SNX29: variants seen among roughly 807,000 people sequenced by gnomAD.
SNX29 encodes sorting nexin-29.
A neutral mutation model predicts 102.1 loss-of-function variants in SNX29; 78 were observed. The ratio of observed to expected loss-of-function variants is 0.76; its 90% CI spans 0.64 to 0.92. The LOEUF (loss-of-function observed/expected upper bound fraction) is 0.92, where lower values mean the gene tolerates loss of function less well. SNX29 is among the 40% of genes least tolerant of loss of function. SNX29 has a pLI of 0.00. For missense variants in SNX29, 1,280 were observed against 1,061.7 expected (o/e 1.21, Z -2.86); for synonymous variants, 580 against 414.5 (o/e 1.40, Z -4.85).
At chr16:12,004,533 C>T (rs1265183651) in intron 3 of SNX29, among the ~76,000 whole-genome samples, 1 of 151,996 alleles carries the variant, frequency 6.6e-6, no homozygotes, top group Non-Finnish European at 1.5e-5. Context: ...TGCTCTGTAG[C>T]CCCTGGGGTG....
intron 13 of SNX29, among the ~76,000 whole-genome samples, chr16:12,189,308 C>T (rs775840414): frequency 1.6e-4 from 25 of 152,140 alleles, no homozygotes; most frequent in Admixed American, 2.6e-4. Flanking sequence ...TGGTTGAGTC[C>T]GGAATGACAC....
chr16:12,129,306 G>A (rs2054352145), intron 12 of SNX29, among the ~76,000 whole-genome samples: 2 of 152,202 alleles, frequency 1.3e-5, no homozygotes, highest in Non-Finnish European at 2.9e-5. Flanking sequence ...ACACCTTTGA[G>A]TGGGGTATCT....
chr16:12,049,335 T>TAA (rs1567564383), intron 7 of SNX29, among the ~76,000 whole-genome samples: 6 of 146,822 alleles, frequency 4.1e-5, no homozygotes, highest in African/African-American at 1.5e-4. Flanking sequence ...TTTTTTAACT[T>TAA]TTTTTTTTTT....
intron 14 of SNX29, among the ~76,000 whole-genome samples, chr16:12,201,321 G>C (rs531858243): frequency 1.5e-4 from 23 of 152,186 alleles, no homozygotes; most frequent in African/African-American, 4.6e-4. Context: ...TCCAGCAACT[G>C]GCTTTTTAGT....
At chr16:12,363,169 C>T (rs566251294) in intron 16 of SNX29, among the ~76,000 whole-genome samples, 1 of 152,322 alleles carries the variant, frequency 6.6e-6, no homozygotes, top group South Asian at 2.1e-4. Flanking sequence ...GCCATTTGGA[C>T]CGGGTCCCCA....
At chr16:11,979,275 C>CAAAAAAAAAAAAAAAAA (rs71139569) in intron 1 of SNX29, among the ~76,000 whole-genome samples, 13 of 61,998 alleles carry the variant, frequency 2.1e-4, no homozygotes, top group African/African-American at 9.0e-4. Context: ...ACTCAGTCTC[C>CAAAAAAAAAAAAAAAAA]AAAAAAAAAA....
chr16:12,368,271 A>G (rs1279014531), intron 16 of SNX29, among the ~76,000 whole-genome samples: 1 of 152,212 alleles, frequency 6.6e-6, no homozygotes, highest in Non-Finnish European at 1.5e-5. Flanking sequence ...CTGAAGATCA[A>G]AGTTTCGTGT....
intron 11 of SNX29, among the ~76,000 whole-genome samples, chr16:12,125,204 T>C (rs1020970129): frequency 6.6e-6 from 1 of 152,160 alleles, no homozygotes; most frequent in African/African-American, 2.4e-5. Flanking sequence ...TGAATGTGTG[T>C]TCAGGTTCAA....
intron 15 of SNX29, among the ~76,000 whole-genome samples, chr16:12,327,829 T>A (rs909082732): frequency 6.6e-6 from 1 of 152,126 alleles, no homozygotes; most frequent in Non-Finnish European, 1.5e-5. Context: ...GTCACTCCCA[T>A]GAGGTGACCA....
chr16:12,040,184 C>T (rs928977230), intron 4 of SNX29, among the ~76,000 whole-genome samples: 7 of 152,052 alleles, frequency 4.6e-5, no homozygotes, highest in Non-Finnish European at 1.0e-4. Context: ...CCAGCCTGCA[C>T]AACATAGCAG....
At chr16:12,381,070 T>C (rs1436471215) in intron 16 of SNX29, among the ~76,000 whole-genome samples, 5 of 4,890 alleles carry the variant, frequency 1.0e-3, no homozygotes, top group African/African-American at 1.1e-3. Flanking sequence ...TCTACCCACC[T>C]ACCATCCATC....
At chr16:12,345,844 T>C (rs2081783578) in intron 15 of SNX29, among the ~76,000 whole-genome samples, 1 of 152,188 alleles carries the variant, frequency 6.6e-6, no homozygotes, top group Non-Finnish European at 1.5e-5. Flanking sequence ...TTTTATGCCA[T>C]GCCAAGAAAA....
intron 10 of SNX29, among the ~76,000 whole-genome samples, chr16:12,077,687 C>G (rs1364418494): frequency 6.6e-6 from 1 of 152,114 alleles, no homozygotes; most frequent in Non-Finnish European, 1.5e-5. Flanking sequence ...GTGGCGTGAT[C>G]TTGGCTCACT....
chr16:12,156,737 C>G (rs929933980), intron 13 of SNX29, among the ~76,000 whole-genome samples: 7 of 152,230 alleles, frequency 4.6e-5, no homozygotes, highest in African/African-American at 1.4e-4. Context: ...GCCGACTTGG[C>G]CAAATGAATG....
intron 19 of SNX29, among the ~76,000 whole-genome samples, chr16:12,512,367 AAAATATAT>A (rs1329674543): frequency 0.013 from 514 of 39,464 alleles, 31 homozygotes; most frequent in African/African-American, 0.026. Context: ...AGGCCCAGGG[AAAATATAT>A]ATATATATAT....
rs774853190 is a variant in SNX29 at position 12,126,662 on chromosome 16, A to C, written c.1432A>C (p.Met478Leu). 1.9e-6 allele frequency: 3 copies of C among 1,614,014 alleles called. No individual in the cohort carries two copies. The South Asian group carries it at 3.3e-5, about 18-fold the overall frequency. ...ACTGCGCCAGGCCACTGTGGCCATG[A>C]TGAACAGGAAGGATGAGCTGGAGGA... The part of the protein sequence containing the change: ...SELRQATVAM[M>L]NRKDELEEEN... Residue 478 changes from methionine to leucine, a missense_variant, in exon 12 of 21, where the codon ATG becomes CTG. Met to Leu is a conservative substitution (Grantham distance 15). Coordinates refer to ENST00000566228, the MANE Select transcript of SNX29 (RefSeq NM_032167.5).
At chr16:12,481,471 T>C (rs566936004) in intron 19 of SNX29, among the ~76,000 whole-genome samples, 12 of 121,584 alleles carry the variant, frequency 9.9e-5, no homozygotes, top group African/African-American at 2.8e-4. Flanking sequence ...TATATACACA[T>C]ATATACACAC....
intron 18 of SNX29, among the ~76,000 whole-genome samples, chr16:12,476,409 T>A (rs71388723): frequency 9.9e-5 from 2 of 20,198 alleles, no homozygotes; most frequent in African/African-American, 4.5e-4. Context: ...TATATATATA[T>A]ATACATATAT....
intron 11 of SNX29, among the ~76,000 whole-genome samples, chr16:12,122,028 A>G (rs1417993913): frequency 6.6e-6 from 1 of 151,998 alleles, no homozygotes; most frequent in East Asian, 1.9e-4. Context: ...GTTGGCTGGG[A>G]TGGTCTTCAT....
Sources: allele counts gnomAD v4.1 joint callset (sites outside exome capture counted in the v4.1 genomes callset), GRCh38; gene constraint gnomAD v4.1.1; transcripts MANE v1.5; gene names NCBI Gene and HGNC (gene_info 2026-07-23, HGNC 2026-07-21).